Variants in CFH observed in about 807,000 individuals in gnomAD.
CFH encodes H factor 1 (complement).
CFH carries 53 observed loss-of-function variants against 147.3 expected under a neutral mutation model. The ratio of observed to expected loss-of-function variants is 0.36; its 90% CI spans 0.29 to 0.45. The LOEUF (loss-of-function observed/expected upper bound fraction) is 0.45. CFH is among the 20% of genes least tolerant of loss of function. The pLI, the probability that CFH is intolerant of heterozygous loss-of-function variation, is 1.00. For synonymous variants in CFH, 536 were observed against 489.4 expected (o/e 1.10, Z -1.26); for missense variants, 1,380 against 1,498.0 (o/e 0.92, Z 1.30).
Position 196,652,171 on chromosome 1 carries a change from A to C in CFH, c.54A>C (p.Ala18=). The C allele has an allele frequency of 6.2e-7, 1 of 1,608,004 alleles. No individual in the cohort carries two copies. The highest frequency in any genetic ancestry group is 8.5e-7 in the Non-Finnish European group (1 of 1,174,576). The change falls in exon 1 of 22, where the codon GCA becomes GCC. Residue 18 remains alanine, a synonymous_variant. Coordinates refer to ENST00000367429, the MANE Select transcript of CFH (RefSeq NM_000186.4). ...TTATGTTATGGGCTATTTGTGTAGC[A>C]GAAGGTAAGATTAAAAGAGACTCTT... ...ICLMLWAICV[A]EDCNELPPRR...
chr1:196,724,689 G>A (rs150381139), intron 11 of CFH, among the ~76,000 whole-genome samples: 4 of 150,872 alleles, frequency 2.7e-5, no homozygotes, highest in East Asian at 1.9e-4. Context: ...TGTAACTTTG[G>A]TTCTTCTTTC....
chr1:196,656,309 GAAA>G (rs111440999), intron 1 of CFH, among the ~76,000 whole-genome samples: 7 of 84,986 alleles, frequency 8.2e-5, no homozygotes, highest in African/African-American at 1.9e-4. Flanking sequence ...ATCTCAAAAA[GAAA>G]AAAAAAAAAA....
chr1:196,698,777 G>T (rs911366224), intron 9 of CFH, among the ~76,000 whole-genome samples: 3 of 152,066 alleles, frequency 2.0e-5, no homozygotes, highest in Admixed American at 6.6e-5. Flanking sequence ...AACAGAAAAA[G>T]AAAATTTCAG....
At chr1:196,701,392 G>T in intron 9 of CFH, 1 of 1,613,114 alleles carries the variant, frequency 6.2e-7, no homozygotes, top group Non-Finnish European at 8.5e-7. Flanking sequence ...AAGGGCCAAT[G>T]GAACCAAGTT....
intron 14 of CFH, among the ~76,000 whole-genome samples, chr1:196,727,607 T>C (rs403846): frequency 0.67 from 102,261 of 152,048 alleles, 35,440 homozygotes; most frequent in East Asian, 0.95. Flanking sequence ...TTGTATGGTA[T>C]TCCTTTTTAG....
intron 9 of CFH, among the ~76,000 whole-genome samples, chr1:196,701,832 C>G (rs1472122422): frequency 2.0e-5 from 3 of 152,094 alleles, no homozygotes; most frequent in Non-Finnish European, 4.4e-5. Flanking sequence ...ATTGAAAGGC[C>G]TTTGTCTATC....
chr1:196,736,369 C>T (rs1669401321), intron 15 of CFH, among the ~76,000 whole-genome samples: 1 of 152,084 alleles, frequency 6.6e-6, no homozygotes, highest in Non-Finnish European at 1.5e-5. Context: ...TATAATTCTA[C>T]TTCTGGCTAA....
At chr1:196,730,826 T>C (rs1456216404) in intron 15 of CFH, among the ~76,000 whole-genome samples, 2 of 151,864 alleles carry the variant, frequency 1.3e-5, no homozygotes, top group Non-Finnish European at 3.0e-5. Context: ...ACTATCATTA[T>C]ATAATAACTT....
intron 9 of CFH, among the ~76,000 whole-genome samples, chr1:196,701,966 A>T (rs1482637315): frequency 6.6e-6 from 1 of 152,186 alleles, no homozygotes; most frequent in East Asian, 1.9e-4. Context: ...CTGTAGCTAG[A>T]TTTGTTTTGT....
intron 1 of CFH, among the ~76,000 whole-genome samples, chr1:196,661,693 G>C (rs552796680): frequency 6.6e-6 from 1 of 152,200 alleles, no homozygotes; most frequent in African/African-American, 2.4e-5. Flanking sequence ...TATAAATTGG[G>C]GGTTGTGGGG....
chr1:196,713,838 A>G lies in CFH; in HGVS notation c.1440A>G (p.Gly480=). 1 of 1,612,822 alleles carries G rather than the reference A, an allele frequency of 6.2e-7. No homozygotes were observed. The highest frequency in any genetic ancestry group is 8.5e-7 in the Non-Finnish European group (1 of 1,179,202). ...KEKAKYQCKL[G]YVTADGETSG... ...AAGCGAAATATCAATGCAAACTAGGATATGTAACAGCAGATGGTGAAACAT... is the reference window on the plus strand; with the variant it reads ...AAGCGAAATATCAATGCAAACTAGGGTATGTAACAGCAGATGGTGAAACAT... Residue 480 remains glycine (G), a synonymous_variant, in exon 10 of 22, where the codon GGA becomes GGG. Coordinates refer to ENST00000367429, the MANE Select transcript of CFH (RefSeq NM_000186.4).
In CFH at chr1:196,690,170, C is replaced by T; in HGVS notation, c.1267C>T (p.Pro423Ser). The change falls in exon 9 of 22, where the codon CCA becomes TCA. Residue 423 changes from proline (P) to serine (S), a missense_variant. Pro to Ser is a moderately conservative substitution (Grantham distance 74). Coordinates refer to ENST00000367429, the MANE Select transcript of CFH (RefSeq NM_000186.4). The stretch of plus-strand genomic sequence containing the variant: ...TGCCTGCCATCCTGGCTACGCTCTT[C>T]CAAAAGCGCAGACCACAGTTACATG... ...DVACHPGYAL[P>S]KAQTTVTCME... 6.2e-7 allele frequency: 1 copy of T among 1,613,418 alleles called. No homozygotes were observed. Among genetic ancestry groups the T allele is most frequent in the Non-Finnish European group, 8.5e-7 (1 of 1,179,668 alleles).
chr1:196,723,128 G>A (rs1311273124), intron 11 of CFH, among the ~76,000 whole-genome samples: 1 of 152,100 alleles, frequency 6.6e-6, no homozygotes, highest in Non-Finnish European at 1.5e-5. Context: ...TCCTTTGCGA[G>A]TGTTGTAATA....
At chr1:196,741,806 C>A in intron 18 of CFH, 69 bp from the exon 19 acceptor site, 1 of 1,383,802 alleles carries the variant, frequency 7.2e-7, no homozygotes, top group Non-Finnish European at 1.0e-6. Context: ...TTTTAGAATC[C>A]ATTACATGTA....
chr1:196,723,053 T>A (rs538631372), intron 11 of CFH, among the ~76,000 whole-genome samples: 2 of 152,316 alleles, frequency 1.3e-5, no homozygotes, highest in African/African-American at 4.8e-5. Context: ...AATAAATATT[T>A]TAAATTCTTT....
intron 21 of CFH, 116 bp downstream of exon 21, chr1:196,746,115 T>A: frequency 6.4e-7 from 1 of 1,557,432 alleles, no homozygotes. Context: ...AATGCTTGCC[T>A]ACCAAATATT....
chr1:196,737,631 G>A lies in CFH; in HGVS notation c.2753G>A (p.Gly918Glu), dbSNP rs1408179720. Residue 918 changes from glycine (G) to glutamate (E), a missense_variant, in exon 17 of 22, where the codon GGA becomes GAA. Transcript: ENST00000367429. The stretch of plus-strand genomic sequence containing the variant: ...GAAAATGAAACAACATGCTACATGG[G>A]AAAATGGAGTTCTCCACCTCAGTGT... ...SEENETTCYMGKWSSPPQCEG... is the reference protein window; with the variant it reads ...SEENETTCYMEKWSSPPQCEG... 1.9e-6 allele frequency: 3 copies of A among 1,613,424 alleles called. No homozygotes were observed. The highest frequency in any genetic ancestry group is 1.7e-5 in the Admixed American group (1 of 59,996).
At chr1:196,740,275 T>C (rs1652766784) in intron 17 of CFH, among the ~76,000 whole-genome samples, 1 of 152,214 alleles carries the variant, frequency 6.6e-6, no homozygotes, top group Non-Finnish European at 1.5e-5. Context: ...CAATGCCCCT[T>C]CTTATTTCCT....
chr1:196,694,450 T>G (rs35885828), intron 9 of CFH, among the ~76,000 whole-genome samples: 1 of 152,226 alleles, frequency 6.6e-6, no homozygotes, highest in Non-Finnish European at 1.5e-5. Flanking sequence ...CTGCAAATGG[T>G]GCTGTGATAA....
Sources: gnomAD v4.1 joint callset for allele counts (sites outside exome capture counted in the v4.1 genomes callset) on GRCh38, gnomAD v4.1.1 for gene constraint, MANE v1.5 for transcripts, NCBI Gene and HGNC (gene_info 2026-07-23, HGNC 2026-07-21) for gene names.